PTPRN2: variants seen among roughly 807,000 people sequenced by gnomAD.
PTPRN2 encodes the protein protein tyrosine phosphatase receptor type N2.
Under a neutral mutation model 118.8 loss-of-function variants are expected in PTPRN2, and 74 were observed. The ratio of observed to expected loss-of-function variants is 0.62; its 90% CI spans 0.52 to 0.76. The LOEUF (loss-of-function observed/expected upper bound fraction) is 0.76, where lower values mean the gene tolerates loss of function less well. PTPRN2 is among the 30% of genes least tolerant of loss of function. The pLI is 0.00. For missense variants in PTPRN2, 1,481 were observed against 1,394.4 expected, an observed-to-expected ratio of 1.06 and a Z score of -0.99; for synonymous variants, 641 against 608.0, an observed-to-expected ratio of 1.05 and a Z score of -0.80.
chr7:157,852,628 T>C (rs1436608994), intron 12 of PTPRN2, among the ~76,000 whole-genome samples: 2 of 152,028 alleles, frequency 1.3e-5, no homozygotes, highest in Non-Finnish European at 2.9e-5. Flanking sequence ...CCCAGCACTT[T>C]GGGAGGCTGA....
chr7:158,190,927 C>A (rs1257439656), intron 5 of PTPRN2, among the ~76,000 whole-genome samples: 1 of 152,258 alleles, frequency 6.6e-6, no homozygotes, highest in Non-Finnish European at 1.5e-5. Flanking sequence ...TCCAGAGAAC[C>A]ATGGGGCCAA....
chr7:158,320,150 T>TCACAC (rs1802876172), intron 2 of PTPRN2, among the ~76,000 whole-genome samples: 5 of 2,308 alleles, frequency 2.2e-3, no homozygotes, highest in Non-Finnish European at 3.8e-3. Flanking sequence ...GCCTCCCTTG[T>TCACAC]ACACACACAG....
intron 1 of PTPRN2, among the ~76,000 whole-genome samples, chr7:158,560,872 AC>A (rs1321326513): frequency 1.3e-5 from 2 of 152,222 alleles, no homozygotes; most frequent in African/African-American, 4.8e-5. Flanking sequence ...AGGTTAAAAA[AC>A]CTAAAGCAAC....
intron 2 of PTPRN2, among the ~76,000 whole-genome samples, chr7:158,324,650 T>C (rs912084398): frequency 7.2e-5 from 11 of 151,726 alleles, no homozygotes; most frequent in Admixed American, 1.3e-4. Context: ...GCTCCATAAG[T>C]GAAGCAGGTG....
intron 6 of PTPRN2, among the ~76,000 whole-genome samples, chr7:158,156,728 C>G (rs1188122776): frequency 6.6e-6 from 1 of 152,240 alleles, no homozygotes; most frequent in Non-Finnish European, 1.5e-5. Context: ...AAGGCTCCCC[C>G]AGTGCCTTCC....
chr7:158,506,784 C>T (rs1333593462), intron 1 of PTPRN2, among the ~76,000 whole-genome samples: 2 of 152,032 alleles, frequency 1.3e-5, no homozygotes, highest in East Asian at 3.9e-4. Context: ...CCTCCGAAGG[C>T]CTGGGTGTCT....
intron 21 of PTPRN2, among the ~76,000 whole-genome samples, chr7:157,556,736 TCA>T (rs1370862018): frequency 7.6e-6 from 1 of 132,270 alleles, no homozygotes; most frequent in South Asian, 2.5e-4. Context: ...CACACTACAC[TCA>T]CACCCCACAC....
intron 3 of PTPRN2, among the ~76,000 whole-genome samples, chr7:158,233,959 C>G (rs1377782504): frequency 6.6e-5 from 10 of 152,046 alleles, no homozygotes; most frequent in Non-Finnish European, 1.5e-4. Context: ...TCACCATATA[C>G]AAAAATCGAA....
intron 15 of PTPRN2, among the ~76,000 whole-genome samples, chr7:157,613,623 C>A (rs1478585641): frequency 6.6e-6 from 1 of 152,236 alleles, no homozygotes; most frequent in East Asian, 1.9e-4. Context: ...CGCCGCGTTC[C>A]TTCCCCGGTT....
chr7:158,473,906 C>T (rs1820052361), intron 2 of PTPRN2, among the ~76,000 whole-genome samples: 1 of 152,288 alleles, frequency 6.6e-6, no homozygotes, highest in Admixed American at 6.5e-5. Flanking sequence ...CAGATATTAA[C>T]ATTCCTTGGG....
chr7:158,112,489 C>G lies in PTPRN2; in HGVS notation c.1557-1574G>C, dbSNP rs558757145. Among the ~76,000 whole-genome samples, 21 of 152,282 alleles carry G rather than the reference C, an allele frequency of 1.4e-4. No homozygotes were observed. The South Asian group carries it at 3.9e-3, about 29-fold the overall frequency. On this transcript the variant is annotated intron_variant, in intron 9 of 22. Coordinates refer to ENST00000389418, the MANE Select transcript of PTPRN2 (RefSeq NM_002847.5). ...CTGGGGCAGGGGCCTGAGCTGGCCA[C>G]CACGGCTGTCCGGTGGGGAGCCTGG...
intron 11 of PTPRN2, among the ~76,000 whole-genome samples, chr7:157,906,370 A>G (rs898419928): frequency 1.3e-5 from 2 of 152,206 alleles, no homozygotes; most frequent in African/African-American, 4.8e-5. Context: ...AGGGCTGATC[A>G]CAATTCCTGT....
intron 10 of PTPRN2, among the ~76,000 whole-genome samples, chr7:158,109,068 C>T (rs77523994): frequency 0.016 from 2,008 of 129,340 alleles, 74 homozygotes; most frequent in East Asian, 0.12. Context: ...TGAAGGAGAC[C>T]GTGAGTGAAT....
chr7:158,234,745 A>T (rs1186442872), intron 3 of PTPRN2, among the ~76,000 whole-genome samples: 1 of 152,238 alleles, frequency 6.6e-6, no homozygotes, highest in Non-Finnish European at 1.5e-5. Context: ...ATGAGATATC[A>T]TCCCACTCCC....
intron 3 of PTPRN2, among the ~76,000 whole-genome samples, chr7:158,230,105 G>A (rs934328594): frequency 6.6e-6 from 1 of 152,030 alleles, no homozygotes; most frequent in Non-Finnish European, 1.5e-5. Flanking sequence ...CAAAGTGCTG[G>A]AAGGAGAAAA....
At chr7:157,895,125 G>A (rs1463827263) in intron 12 of PTPRN2, among the ~76,000 whole-genome samples, 2 of 151,972 alleles carry the variant, frequency 1.3e-5, no homozygotes, top group Non-Finnish European at 2.9e-5. Flanking sequence ...CGGCCAGAGG[G>A]TCTGAACGAG....
At chr7:158,302,168 T>C (rs1469796821) in intron 3 of PTPRN2, among the ~76,000 whole-genome samples, 1 of 152,218 alleles carries the variant, frequency 6.6e-6, no homozygotes, top group African/African-American at 2.4e-5. Flanking sequence ...GTGGGTACTG[T>C]GACAGCCACA....
At chr7:158,067,453 A>G (rs1405369785) in intron 11 of PTPRN2, among the ~76,000 whole-genome samples, 5 of 152,202 alleles carry the variant, frequency 3.3e-5, no homozygotes, top group Non-Finnish European at 5.9e-5. Context: ...GCTGCTCCCA[A>G]TGGCTTGCTG....
At position 157,621,470 on chromosome 7, in the gene PTPRN2, C is replaced by G. The variant is rs1285185217; in HGVS notation, c.2236G>C (p.Glu746Gln). 4 of 1,613,804 alleles carry G rather than the reference C, an allele frequency of 2.5e-6. No homozygotes were observed. The African/African-American group carries it at 4.0e-5, about 16-fold the overall frequency. Reference protein sequence around the residue: ...EDHLKNKNRLEKEWEALCAYQ... With the variant: ...EDHLKNKNRLQKEWEALCAYQ... ...GCGCACAGCGCTTCCCACTCCTTCT[C>G]CAGCCGGTTCTTGTTCTTCAGGTGG... Residue 746 changes from glutamate to glutamine, a missense_variant, in exon 15 of 23, where the codon GAG (glutamate) becomes CAG (glutamine). Around this residue, in one of 3 missense-constraint regions of PTPRN2, gnomAD observed 362 missense variants for 384.1 expected, o/e 0.94. Transcript: ENST00000389418.
Sources: gnomAD v4.1 joint callset for allele counts (sites outside exome capture counted in the v4.1 genomes callset) on GRCh38, gnomAD v4.1.1 for gene constraint, gnomAD v4.1.1 regional missense constraint, MANE v1.5 for transcripts, NCBI Gene and HGNC (gene_info 2026-07-23, HGNC 2026-07-21) for gene names.